The following ERC2 variants were observed in gnomAD, a reference collection of about 807,000 sequenced individuals.
ERC2 encodes ERC protein 2.
A neutral mutation model predicts 114.8 loss-of-function variants in ERC2; 42 were observed. The ratio of observed to expected loss-of-function variants is 0.37; its 90% CI spans 0.29 to 0.47. The LOEUF is 0.47. Ranked by LOEUF, ERC2 falls within the 20% of genes least tolerant of loss-of-function variation. The pLI is 0.99. For missense variants in ERC2, 939 were observed against 1,150.7 expected, an observed-to-expected ratio of 0.82 and a Z score of 2.66; for synonymous variants, 454 against 425.5, an observed-to-expected ratio of 1.07 and a Z score of -0.82.
chr3:55,950,226 G>A (rs994887710), intron 13 of ERC2, among the ~76,000 whole-genome samples, 199 bp downstream of exon 13: 6 of 152,186 alleles, frequency 3.9e-5, no homozygotes, highest in South Asian at 2.1e-4. Context: ...AGGCTCTACC[G>A]TAATTGGCTT....
At chr3:56,164,028 G>T (rs1229856425) in intron 4 of ERC2, among the ~76,000 whole-genome samples, 1 of 151,810 alleles carries the variant, frequency 6.6e-6, no homozygotes, top group East Asian at 1.9e-4. Context: ...TATTTAGAAT[G>T]CCCTTAAGAA....
intron 2 of ERC2, among the ~76,000 whole-genome samples, chr3:56,349,229 G>A (rs2058456308): frequency 6.6e-6 from 1 of 152,166 alleles, no homozygotes; most frequent in Non-Finnish European, 1.5e-5. Context: ...CCAAAATGGT[G>A]ACAACGAAAT....
chr3:56,214,039 C>T (rs1014931170), intron 3 of ERC2, among the ~76,000 whole-genome samples: 6 of 152,168 alleles, frequency 3.9e-5, no homozygotes, highest in African/African-American at 1.4e-4. Context: ...GTAGATAGAA[C>T]CACAAAGATG....
intron 3 of ERC2, among the ~76,000 whole-genome samples, chr3:56,281,630 T>TA (rs1428368556): frequency 6.6e-6 from 1 of 152,078 alleles, no homozygotes; most frequent in Non-Finnish European, 1.5e-5. Context: ...TAGATATAGA[T>TA]ACAGATATAG....
intron 3 of ERC2, among the ~76,000 whole-genome samples, chr3:56,214,255 G>A (rs554064380): frequency 1.3e-5 from 2 of 152,234 alleles, no homozygotes; most frequent in African/African-American, 4.8e-5. Context: ...AAAAAGATTA[G>A]ACGAATGGAT....
At chr3:56,154,708 CAG>C (rs2081600634) in intron 4 of ERC2, among the ~76,000 whole-genome samples, 1 of 152,184 alleles carries the variant, frequency 6.6e-6, no homozygotes, top group African/African-American at 2.4e-5. Context: ...CTGACCTTTA[CAG>C]AGTCACAAAC....
Position 56,296,294 on chromosome 3 carries a change from G to C in ERC2, c.799C>G (p.Gln267Glu), listed in dbSNP as rs2150357658. 6.2e-7 allele frequency: 1 copy of C among 1,613,998 alleles called. No individual in the cohort carries two copies. Among genetic ancestry groups the C allele is most frequent in the Non-Finnish European group, 8.5e-7 (1 of 1,179,894 alleles). ...TTAGCCTGCCTGTCATGCTCGGCTT[G>C]GAGCCGCCTAAAGTTCTCCTCGGTC... ...ELTEENFRRL[Q>E]AEHDRQAKEL... Residue 267 changes from glutamine to glutamate, a missense_variant, in exon 3 of 18, where the codon CAA becomes GAA. Around this residue, in one of 5 missense-constraint regions of ERC2, gnomAD observed 33 missense variants for 75.6 expected, o/e 0.44. Transcript: ENST00000288221.
intron 13 of ERC2, among the ~76,000 whole-genome samples, chr3:55,927,331 T>A (rs776275820): frequency 1.3e-5 from 2 of 152,218 alleles, no homozygotes; most frequent in Non-Finnish European, 2.9e-5. Context: ...AATTAAGCCT[T>A]GTCCCACTCA....
rs57638674 is a variant in ERC2 at position 55,920,446 on chromosome 3, A to ACACACACACAC, written c.2403+29978_2403+29979insGTGTGTGTGTG. ...CACACACACACACACACACACACAC[A>ACACACACACAC]CCCCAAGTGAGAAGGATATTGCTAA... On this transcript the variant is annotated intron_variant, in intron 13 of 17. Transcript: ENST00000288221. 1.4e-4 allele frequency among the ~76,000 whole-genome samples: 21 copies of ACACACACACAC among 145,548 alleles called. 1 individual carries two copies. Among genetic ancestry groups the ACACACACACAC allele is most frequent in the African/African-American group, 5.0e-4 (19 of 38,082 alleles).
intron 2 of ERC2, among the ~76,000 whole-genome samples, chr3:56,312,918 C>G (rs2056662125): frequency 6.8e-6 from 1 of 146,568 alleles, no homozygotes; most frequent in Non-Finnish European, 1.5e-5. Flanking sequence ...GTATCTTTTT[C>G]TTTCTCTGGT....
intron 7 of ERC2, among the ~76,000 whole-genome samples, chr3:56,023,810 G>GGAAGGAAGGAAT (rs1560041027): frequency 6.6e-6 from 1 of 151,906 alleles, no homozygotes; most frequent in Admixed American, 6.6e-5. Flanking sequence ...AAGGAAGGAA[G>GGAAGGAAGGAAT]GAATTCTAAA....
intron 7 of ERC2, among the ~76,000 whole-genome samples, chr3:56,022,949 G>A (rs144349785): frequency 1.7e-3 from 261 of 152,266 alleles, no homozygotes; most frequent in African/African-American, 5.8e-3. Flanking sequence ...ACCTGGAAAG[G>A]GGGTAAGAGA....
At chr3:56,305,865 T>G (rs6810245) in intron 2 of ERC2, among the ~76,000 whole-genome samples, 35,524 of 151,768 alleles carry the variant, frequency 0.23, 4,514 homozygotes, top group Admixed American at 0.28. Context: ...TTGTTTGTTT[T>G]TTTGAGACAA....
chr3:56,327,921 G>C (rs908345238), intron 2 of ERC2, among the ~76,000 whole-genome samples: 1 of 152,178 alleles, frequency 6.6e-6, no homozygotes, highest in South Asian at 2.1e-4. Flanking sequence ...ACTACATGTG[G>C]TTGAGTTCAG....
intron 4 of ERC2, among the ~76,000 whole-genome samples, chr3:56,153,413 C>A (rs1394735747): frequency 1.3e-5 from 2 of 152,160 alleles, no homozygotes; most frequent in African/African-American, 4.8e-5. Context: ...TTCACAAGAT[C>A]CTCGGGTGAT....
chr3:56,125,102 G>A (rs570902547), intron 6 of ERC2, among the ~76,000 whole-genome samples: 13 of 152,148 alleles, frequency 8.5e-5, no homozygotes, highest in East Asian at 3.9e-4. Flanking sequence ...CAAAACATAC[G>A]TTTTAACAAG....
chr3:56,274,938 G>T (rs547659311), intron 3 of ERC2, among the ~76,000 whole-genome samples: 2 of 152,230 alleles, frequency 1.3e-5, no homozygotes, highest in South Asian at 2.1e-4. Flanking sequence ...AAAAATAATT[G>T]CCCCATTTCA....
At chr3:55,701,531 G>T (rs369824172) in intron 15 of ERC2, among the ~76,000 whole-genome samples, 3 of 151,964 alleles carry the variant, frequency 2.0e-5, no homozygotes, top group Non-Finnish European at 2.9e-5. Context: ...TATTTGAAAG[G>T]CCCCAAAGTG....
intron 14 of ERC2, among the ~76,000 whole-genome samples, chr3:55,781,876 GAA>G (rs532360945): frequency 0.044 from 3,569 of 81,214 alleles, 150 homozygotes; most frequent in African/African-American, 0.13. Flanking sequence ...CAGCCTCACA[GAA>G]AAAAAAAAAA....
Sources: gnomAD v4.1 joint callset for allele counts (sites outside exome capture counted in the v4.1 genomes callset) on GRCh38, gnomAD v4.1.1 for gene constraint, gnomAD v4.1.1 regional missense constraint, MANE v1.5 for transcripts, NCBI Gene and HGNC (gene_info 2026-07-23, HGNC 2026-07-21) for gene names.